Variants in PNMA6E observed in about 807,000 individuals in gnomAD.
PNMA6E encodes the protein PNMA family member 6E.
For synonymous variants in PNMA6E, 43 were observed against 17.1 expected (o/e 2.52, Z -3.74); for missense variants, 78 against 50.8 (o/e 1.53, Z -1.63).
chrX:153,400,534 C>A (rs1455510606), intron 1 of PNMA6E, among the ~76,000 whole-genome samples: 1 of 112,140 alleles, frequency 8.9e-6, no homozygotes, highest in African/African-American at 3.2e-5. Context: ...CCCTCTGTGG[C>A]CTCCCCACAG....
the PNMA6E span, among the ~76,000 whole-genome samples, chrX:153,407,764 G>A: frequency 1.8e-5 from 2 of 111,923 alleles, no homozygotes; most frequent in African/African-American, 6.5e-5. Context: ...GCTCCTGATT[G>A]GTTCAAATGC....
chrX:153,405,703 G>A (rs2088874310), upstream of PNMA6E, among the ~76,000 whole-genome samples: 1 of 109,236 alleles, frequency 9.2e-6, no homozygotes, highest in Non-Finnish European at 1.9e-5. Flanking sequence ...CCCACGTGCT[G>A]AGGAACTGAG....
chrX:153,404,555 C>A (rs2088868466), upstream of PNMA6E, among the ~76,000 whole-genome samples: 1 of 111,700 alleles, frequency 9.0e-6, no homozygotes, highest in South Asian at 3.7e-4. Flanking sequence ...ACTAAACTAG[C>A]TAAACTCACA....
the PNMA6E span, among the ~76,000 whole-genome samples, chrX:153,406,613 A>T: frequency 8.9e-6 from 1 of 112,921 alleles, no homozygotes; most frequent in Non-Finnish European, 1.9e-5. Context: ...TGGACCTCAG[A>T]GGGGTTTCAT....
chrX:153,397,681 C>A lies in PNMA6E; in HGVS notation c.1169G>T (p.Cys390Phe). 3.3e-6 allele frequency: 1 copy of A among 301,058 alleles called. No homozygotes were observed. The highest frequency in any genetic ancestry group is 5.8e-6 in the Non-Finnish European group (1 of 172,166). 24.8% of individuals were successfully genotyped at this position (301,058 alleles called of 1,213,427 possible). Reference sequence around the variant, plus strand: ...AAATACCTGCCCCAGCGCCGCCAGGCAGTCCAGCGCGGACAAGTTGGTATC... The same window carrying A: ...AAATACCTGCCCCAGCGCCGCCAGGAAGTCCAGCGCGGACAAGTTGGTATC... Reference protein sequence around the residue: ...EEDTNLSALDCLAALGQVFRN... With the variant: ...EEDTNLSALDFLAALGQVFRN... Residue 390 changes from cysteine (C) to phenylalanine (F), a missense_variant, in exon 2 of 2, where the codon TGC becomes TTC. Coordinates refer to ENST00000445091, the MANE Select transcript of PNMA6E (RefSeq NM_001367770.1).
rs1409227737 is a variant in PNMA6E, at chrX:153,401,230, C to T, written c.-72+14G>A. 2.7e-5 allele frequency: 3 copies of T among 109,348 alleles called. No individual in the cohort carries two copies. The highest frequency in any genetic ancestry group is 3.8e-5 in the Non-Finnish European group (2 of 52,446). The allele number at this position is 109,348 out of a possible 1,213,427, so 9.0% of individuals were successfully genotyped here. ...CTGGGCCTGGGTCCTGGCAAACCCC[C>T]GCGGTCTACTCACTTTCTCAAACTC... On this transcript the variant is annotated intron_variant, in intron 1 of 1. Transcript: ENST00000445091.
At chrX:153,405,550 C>A (rs2088873301), upstream of PNMA6E, among the ~76,000 whole-genome samples, 1 of 104,148 alleles carries the variant, frequency 9.6e-6, no homozygotes, top group Non-Finnish European at 2.0e-5. Flanking sequence ...TTCCTCCCTC[C>A]CTCTCCCTTT....
At chrX:153,400,137 G>C (rs183787645) in intron 1 of PNMA6E, among the ~76,000 whole-genome samples, 6 of 112,649 alleles carry the variant, frequency 5.3e-5, no homozygotes, top group Non-Finnish European at 1.1e-4. Flanking sequence ...ATTTGCCCTT[G>C]TCATGAATCC....
intron 1 of PNMA6E, among the ~76,000 whole-genome samples, chrX:153,399,748 T>G (rs1556970967): frequency 8.9e-6 from 1 of 112,075 alleles, no homozygotes. Flanking sequence ...TCTCTGTTAT[T>G]TCTTTATTTG....
At chrX:153,411,686 G>A in the PNMA6E span, among the ~76,000 whole-genome samples, 3 of 113,051 alleles carry the variant, frequency 2.7e-5, no homozygotes, top group Non-Finnish European at 5.6e-5. Context: ...GACTCCCTCG[G>A]CTGCCCGCCG....
In PNMA6E at chrX:153,398,614, G is replaced by A; in HGVS notation, c.236C>T (p.Pro79Leu). Residue 79 changes from proline to leucine, a missense_variant, in exon 2 of 2, where the codon CCC becomes CTC. Pro to Leu is a moderately conservative substitution (Grantham distance 98). Coordinates refer to ENST00000445091, the MANE Select transcript of PNMA6E (RefSeq NM_001367770.1). ...CCCCCCATTGCCTGGTATTTGATGG[G>A]GAATCAAGCTTCGGTTTAAATACTC... ...FAEYLNRSLI[P>L]HQIPGNGGPW... The A allele has an allele frequency of 2.9e-6, 1 of 344,544 alleles. No homozygotes were observed. Among genetic ancestry groups the A allele is most frequent in the Non-Finnish European group, 5.0e-6 (1 of 199,060 alleles). The allele number at this position is 344,544 out of a possible 1,213,427, so 28.4% of individuals were successfully genotyped here. A position where few individuals can be genotyped will look rare whatever the true frequency, so the allele number is the denominator to read the frequency against.
At chrX:153,402,872 T>A (rs1322424724), upstream of PNMA6E, among the ~76,000 whole-genome samples, 1 of 112,713 alleles carries the variant, frequency 8.9e-6, no homozygotes, top group Admixed American at 9.4e-5. Flanking sequence ...TTCCATTCTC[T>A]CTTGGTTTCC....
At position 153,396,487 on chromosome X, in the gene PNMA6E, G is replaced by A. The variant is rs1556970305; in HGVS notation, c.*419C>T. On this transcript the variant is annotated 3_prime_UTR_variant, in exon 2 of 2. Transcript: ENST00000445091. ...GCAGCCTGCCCCGGAGATGGCAAGT[G>A]GGCTGACCCCTCTTGAGAGACCCAG... 2 of 115,486 alleles carry A rather than the reference G, an allele frequency of 1.7e-5. No homozygotes were observed. The highest frequency in any genetic ancestry group is 3.7e-5 in the Non-Finnish European group (2 of 54,759). 9.5% of individuals were successfully genotyped at this position (115,486 alleles called of 1,213,427 possible). A position where few individuals can be genotyped will look rare whatever the true frequency, so the allele number is the denominator to read the frequency against.
At chrX:153,412,140 G>GCCAC in the PNMA6E span, among the ~76,000 whole-genome samples, 1 of 112,796 alleles carries the variant, frequency 8.9e-6, no homozygotes, top group Admixed American at 9.3e-5. Context: ...CCAAAATTGT[G>GCCAC]CTCCAGAGGG....
At chrX:153,410,360 C>T in the PNMA6E span, among the ~76,000 whole-genome samples, 1 of 111,969 alleles carries the variant, frequency 8.9e-6, no homozygotes, top group African/African-American at 3.2e-5. Flanking sequence ...TCAAGGGGCA[C>T]CAACCAGTCA....
At position 153,398,458 on chromosome X, in the gene PNMA6E, C is replaced by G. The variant is rs1225538329; in HGVS notation, c.392G>C (p.Gly131Ala). ...AGEGGGAGEA[G>A]GVGEVGAAGE... ...TGCTGCTCCTACCTCACCTACACCT[C>G]CTGCCTCACCTGCGCCTCCTCCCTC... Residue 131 changes from glycine (G) to alanine (A), a missense_variant, in exon 2 of 2, where the codon GGA becomes GCA. Transcript: ENST00000445091. The G allele has an allele frequency of 2.4e-6, 1 of 414,722 alleles. No homozygotes were observed. Among genetic ancestry groups the G allele is most frequent in the Non-Finnish European group, 4.2e-6 (1 of 239,970 alleles). The allele number at this position is 414,722 out of a possible 1,213,427, so 34.2% of individuals were successfully genotyped here.
chrX:153,408,562 G>A, the PNMA6E span, among the ~76,000 whole-genome samples: 4 of 112,307 alleles, frequency 3.6e-5, no homozygotes, highest in Admixed American at 9.3e-5. Context: ...GCATTGCCGC[G>A]TGCATTCCAT....
rs989570302 is a variant in PNMA6E at position 153,397,872 on chromosome X, C to T, written c.978G>A (p.Arg326=). The T allele has an allele frequency of 1.8e-5, 6 of 336,753 alleles. No homozygotes were observed. The highest frequency in any genetic ancestry group is 1.6e-3 in the Middle Eastern group (2 of 1,284). 27.8% of individuals were successfully genotyped at this position (336,753 alleles called of 1,213,427 possible). ...RAYRELRPFS[R]REQPGCEEES... is the part of the protein sequence containing the mutation. ...CTTCCTCGCAGCCTGGCTGCTCCCT[C>T]CTGGAAAAGGGTCTCAATTCCCGGT... The change falls in exon 2 of 2, where the codon AGG becomes AGA. Residue 326 remains arginine, a synonymous_variant. Transcript: ENST00000445091.
chrX:153,408,462 G>A, the PNMA6E span, among the ~76,000 whole-genome samples: 1 of 112,518 alleles, frequency 8.9e-6, no homozygotes. Context: ...GGACAAACTG[G>A]CCCACATGAC....
Sources: gnomAD v4.1 joint callset for allele counts (sites outside exome capture counted in the v4.1 genomes callset) on GRCh38, gnomAD v4.1.1 for gene constraint, MANE v1.5 for transcripts, NCBI Gene and HGNC (gene_info 2026-07-23, HGNC 2026-07-21) for gene names.